The following PREX1 variants were observed in gnomAD, a reference collection of about 807,000 sequenced individuals.
The protein encoded by PREX1 is phosphatidylinositol-3,4,5-trisphosphate dependent Rac exchange factor 1.
Under a neutral mutation model 198.3 loss-of-function variants are expected in PREX1, and 41 were observed. The observed-to-expected ratio is 0.21, with a 90% CI of 0.16 to 0.27. The LOEUF (loss-of-function observed/expected upper bound fraction) is 0.27. Ranked by LOEUF, PREX1 falls within the 10% of genes least tolerant of loss-of-function variation. PREX1 has a pLI of 1.00. For synonymous variants in PREX1, 843 were observed against 887.2 expected, an observed-to-expected ratio of 0.95 and a Z score of 0.89; for missense variants, 1,620 against 2,200.7, an observed-to-expected ratio of 0.74 and a Z score of 5.28.
chr20:48,637,322 C>A (rs1201170960), intron 31 of PREX1, among the ~76,000 whole-genome samples: 1 of 152,214 alleles, frequency 6.6e-6, no homozygotes, highest in Admixed American at 6.5e-5. Flanking sequence ...TGGCTAATTT[C>A]TAGAAAGAAG....
intron 13 of PREX1, among the ~76,000 whole-genome samples, chr20:48,678,888 G>C (rs2089727840): frequency 1.3e-5 from 2 of 152,212 alleles, no homozygotes; most frequent in African/African-American, 4.8e-5. Context: ...GAAAGTACCA[G>C]GTTGGTGACA....
At chr20:48,839,623 A>G in the PREX1 span, among the ~76,000 whole-genome samples, 9 of 152,142 alleles carry the variant, frequency 5.9e-5, no homozygotes, top group East Asian at 1.9e-4. Context: ...TACCTGGTCC[A>G]TGCTTGTGCT....
chr20:48,804,109 G>C (rs900248668), intron 1 of PREX1, among the ~76,000 whole-genome samples: 1 of 152,138 alleles, frequency 6.6e-6, no homozygotes, highest in African/African-American at 2.4e-5. Context: ...AGAAGGCCTG[G>C]GATATAATAT....
At chr20:48,723,690 T>C (rs1312646002) in intron 5 of PREX1, among the ~76,000 whole-genome samples, 1 of 152,144 alleles carries the variant, frequency 6.6e-6, no homozygotes, top group Non-Finnish European at 1.5e-5. Context: ...CTGCGGGCCA[T>C]TTCCTCCACG....
At chr20:48,628,076 G>A (rs1364965217) in intron 37 of PREX1, 113 bp from the exon 38 acceptor site, 22 of 780,934 alleles carry the variant, frequency 2.8e-5, no homozygotes, top group Admixed American at 1.1e-4. Context: ...CTGTCCCTCC[G>A]AGGCCTCCCA....
intron 21 of PREX1, 111 bp from the exon 22 acceptor site, chr20:48,651,694 G>C: frequency 2.0e-6 from 2 of 1,024,902 alleles, no homozygotes; most frequent in South Asian, 3.3e-5. Flanking sequence ...CAAGTGCAAA[G>C]GCCCCAGGGC....
At chr20:48,847,381 AAAAC>A in the PREX1 span, among the ~76,000 whole-genome samples, 8 of 150,134 alleles carry the variant, frequency 5.3e-5, no homozygotes, top group Non-Finnish European at 8.9e-5. Context: ...AAAAAAAAAA[AAAAC>A]AAACCCTCCC....
At chr20:48,781,662 C>A (rs912163353) in intron 1 of PREX1, among the ~76,000 whole-genome samples, 3 of 152,156 alleles carry the variant, frequency 2.0e-5, no homozygotes, top group Non-Finnish European at 4.4e-5. Flanking sequence ...GAAAAGCACA[C>A]AGCCTGGTTT....
intron 1 of PREX1, among the ~76,000 whole-genome samples, chr20:48,790,251 T>A (rs1328941359): frequency 6.6e-6 from 1 of 152,196 alleles, no homozygotes; most frequent in South Asian, 2.1e-4. Flanking sequence ...GCATCCTAAG[T>A]GCTTGGTAAG....
At chr20:48,796,218 G>A (rs1439389429) in intron 1 of PREX1, among the ~76,000 whole-genome samples, 4 of 151,874 alleles carry the variant, frequency 2.6e-5, no homozygotes, top group Non-Finnish European at 5.9e-5. Context: ...GTATGAAGTG[G>A]CATGTGTCTG....
intron 18 of PREX1, chr20:48,656,480 C>CT (rs2089544344): frequency 2.2e-6 from 1 of 456,684 alleles, no homozygotes; most frequent in Non-Finnish European, 4.4e-6. Context: ...TCACTCACTG[C>CT]TCCAGCCCCA....
At chr20:48,712,496 T>C (rs2089936482) in intron 5 of PREX1, among the ~76,000 whole-genome samples, 1 of 152,206 alleles carries the variant, frequency 6.6e-6, no homozygotes, top group African/African-American at 2.4e-5. Context: ...TCCCAAACCC[T>C]GGAAGTTGGA....
chr20:48,627,975 G>A lies in PREX1; in HGVS notation c.4767-12C>T, dbSNP rs778306918. The A allele has an allele frequency of 2.2e-5, 35 of 1,596,862 alleles. No homozygotes were observed. Among genetic ancestry groups the A allele is most frequent in the Non-Finnish European group, 2.9e-5 (34 of 1,170,700 alleles). On this transcript the variant is annotated splice_polypyrimidine_tract_variant and intron_variant, in intron 37 of 39. Coordinates refer to ENST00000371941, the MANE Select transcript of PREX1 (RefSeq NM_020820.4). ...CGCTCAGGGTGCTCCTGCAGCAGGGGAGGGAGGACAGCGGGTTGGCGGTGG... is the reference window on the plus strand; with the variant it reads ...CGCTCAGGGTGCTCCTGCAGCAGGGAAGGGAGGACAGCGGGTTGGCGGTGG...
chr20:48,633,758 C>T (rs886269135), intron 33 of PREX1, among the ~76,000 whole-genome samples: 2 of 152,202 alleles, frequency 1.3e-5, no homozygotes, highest in Non-Finnish European at 2.9e-5. Flanking sequence ...CAGACCCCAC[C>T]CCACAAACCG....
intron 18 of PREX1, among the ~76,000 whole-genome samples, chr20:48,656,001 T>C (rs970528776): frequency 2.6e-5 from 4 of 152,086 alleles, no homozygotes; most frequent in South Asian, 2.1e-4. Flanking sequence ...GGGAGCCTGC[T>C]CTCAAACCAG....
At chr20:48,726,219 T>G in intron 5 of PREX1, 71 bp downstream of exon 5, 1 of 1,340,942 alleles carries the variant, frequency 7.5e-7, no homozygotes, top group African/African-American at 1.4e-5. Context: ...CTCAGATACT[T>G]GAACTAACAA....
chr20:48,874,180 T>G, the PREX1 span, among the ~76,000 whole-genome samples: 7 of 152,182 alleles, frequency 4.6e-5, no homozygotes, highest in Non-Finnish European at 7.3e-5. Context: ...AAATGAGGAA[T>G]CTGGGGTTAA....
intron 5 of PREX1, among the ~76,000 whole-genome samples, chr20:48,713,138 C>T (rs143712460): frequency 0.049 from 7,356 of 150,218 alleles, 223 homozygotes; most frequent in Non-Finnish European, 0.071. Flanking sequence ...AAGACTCCAT[C>T]TTAAAAAAAA....
At chr20:48,835,035 G>C in the PREX1 span, among the ~76,000 whole-genome samples, 1 of 152,206 alleles carries the variant, frequency 6.6e-6, no homozygotes, top group Non-Finnish European at 1.5e-5. Flanking sequence ...GATTACAGGT[G>C]TGAGCCACTG....
Sources: gnomAD v4.1 joint callset for allele counts (sites outside exome capture counted in the v4.1 genomes callset) on GRCh38, gnomAD v4.1.1 for gene constraint, MANE v1.5 for transcripts, NCBI Gene and HGNC (gene_info 2026-07-23, HGNC 2026-07-21) for gene names.